The following QKI variants were observed in gnomAD, a reference collection of about 807,000 sequenced individuals.
QKI encodes QKI, KH domain containing RNA binding.
A neutral mutation model predicts 39.0 loss-of-function variants in QKI; 10 were observed. The ratio of observed to expected loss-of-function variants is 0.26; its 90% CI spans 0.16 to 0.43. QKI has a LOEUF of 0.43. QKI is among the 20% of genes least tolerant of loss of function. The pLI is 1.00. For synonymous variants in QKI, 204 were observed against 155.4 expected (o/e 1.31, Z -2.33); for missense variants, 218 against 428.0 (o/e 0.51, Z 4.33).
chr6:163,456,581 G>A (rs1215679569), intron 2 of QKI, among the ~76,000 whole-genome samples: 1 of 152,066 alleles, frequency 6.6e-6, no homozygotes, highest in Non-Finnish European at 1.5e-5. Flanking sequence ...GTCTTAAGTT[G>A]AATTAATAGG....
In QKI at chr6:163,576,640, CCG is replaced by C. The variant is rs1783991417; in HGVS notation, c.*5931_*5932del. ...CACATGTGAACGGAGAACTGCATGA[CCG>C]TACATGAAATGCAATAAACCAACTG... is the stretch of plus-strand genomic sequence containing the variant. On this transcript the variant is annotated 3_prime_UTR_variant, in exon 8 of 8. Coordinates refer to ENST00000361752, the MANE Select transcript of QKI (RefSeq NM_006775.3). 6.6e-6 allele frequency: 1 copy of C among 151,954 alleles called. No individual in the cohort carries two copies. The highest frequency in any genetic ancestry group is 1.5e-5 in the Non-Finnish European group (1 of 68,008). 9.4% of individuals were successfully genotyped at this position (151,954 alleles called of 1,614,324 possible).
chr6:163,559,154 G>A (rs1782833155), intron 4 of QKI, among the ~76,000 whole-genome samples: 1 of 152,112 alleles, frequency 6.6e-6, no homozygotes, highest in Admixed American at 6.5e-5. Flanking sequence ...GCAGTTCAGT[G>A]CCAACATGTT....
chr6:163,542,660 G>A (rs1781610747), intron 4 of QKI, among the ~76,000 whole-genome samples: 1 of 152,032 alleles, frequency 6.6e-6, no homozygotes, highest in Non-Finnish European at 1.5e-5. Context: ...ATTTCATAAA[G>A]TGTTGAAATA....
At chr6:163,485,356 G>A (rs1777591474) in intron 3 of QKI, among the ~76,000 whole-genome samples, 1 of 152,210 alleles carries the variant, frequency 6.6e-6, no homozygotes, top group Admixed American at 6.5e-5. Flanking sequence ...TTTAGAAACA[G>A]GTGGGAGTCA....
chr6:163,444,050 T>A (rs1789955785), intron 1 of QKI, among the ~76,000 whole-genome samples: 1 of 152,222 alleles, frequency 6.6e-6, no homozygotes, highest in Non-Finnish European at 1.5e-5. Flanking sequence ...ATTTGGTGTT[T>A]TCCGAGGATG....
intron 4 of QKI, among the ~76,000 whole-genome samples, chr6:163,549,584 C>T (rs1031918647): frequency 2.0e-5 from 3 of 152,064 alleles, no homozygotes; most frequent in African/African-American, 7.2e-5. Flanking sequence ...TGGTGACGCA[C>T]ACATGTAATC....
intron 1 of QKI, chr6:163,423,254 C>T (rs1483673497): frequency 6.6e-6 from 1 of 152,254 alleles, no homozygotes; most frequent in African/African-American, 2.4e-5. Flanking sequence ...CGCCACTGCA[C>T]TCCAGCCTGG....
Position 163,462,907 on chromosome 6 carries a change from A to AG in QKI, c.285+7489dup, listed in dbSNP as rs543612236. On this transcript the variant is annotated intron_variant, in intron 2 of 7. Coordinates refer to ENST00000361752, the MANE Select transcript of QKI (RefSeq NM_006775.3). ...CTTTTACATGTGAAGGCTAAGAATG[A>AG]GGGAAGGGCCTTGCTGGTATTGCCA... Among the ~76,000 whole-genome samples, 1,075 of 152,344 alleles carry AG rather than the reference A, an allele frequency of 7.1e-3. 23 individuals carry two copies. The highest frequency in any genetic ancestry group is 0.025 in the African/African-American group (1,019 of 41,572).
intron 2 of QKI, among the ~76,000 whole-genome samples, chr6:163,465,175 G>T (rs1791642397): frequency 6.6e-6 from 1 of 152,180 alleles, no homozygotes; most frequent in Non-Finnish European, 1.5e-5. Context: ...GTATAGAACA[G>T]TATGCCACAA....
At chr6:163,455,512 A>G in intron 2 of QKI, 91 bp downstream of exon 2, 1 of 1,287,470 alleles carries the variant, frequency 7.8e-7, no homozygotes, top group East Asian at 2.4e-5. Flanking sequence ...AAGCATTATT[A>G]GCCACTTTAA....
At chr6:163,553,412 T>A (rs1782387089) in intron 4 of QKI, among the ~76,000 whole-genome samples, 1 of 152,074 alleles carries the variant, frequency 6.6e-6, no homozygotes, top group African/African-American at 2.4e-5. Flanking sequence ...CAGGTTCCTA[T>A]TTTTTATCTT....
At position 163,516,540 on chromosome 6, in the gene QKI, G is replaced by A. The variant is rs557613682; in HGVS notation, c.403-18442G>A. ...GATCTCTTGACCTCGTGATCCACCC[G>A]CCTTGGCCTCCGAAAGTGCTGGGAT... On this transcript the variant is annotated intron_variant, in intron 3 of 7. Transcript: ENST00000361752. Among the ~76,000 whole-genome samples the A allele has an allele frequency of 5.9e-5, 9 of 152,198 alleles. No individual in the cohort carries two copies. In the South Asian group the frequency reaches 6.2e-4, roughly 11 times the overall value.
intron 1 of QKI, among the ~76,000 whole-genome samples, chr6:163,419,429 C>G (rs1787811961): frequency 6.6e-6 from 1 of 152,006 alleles, no homozygotes; most frequent in Non-Finnish European, 1.5e-5. Flanking sequence ...TCTGAAGAAG[C>G]AATTACTGTT....
intron 5 of QKI, among the ~76,000 whole-genome samples, chr6:163,562,513 C>G (rs1169438561): frequency 6.6e-6 from 1 of 152,128 alleles, no homozygotes. Context: ...TGTTTTCCCT[C>G]TAGTATTTTT....
intron 4 of QKI, among the ~76,000 whole-genome samples, chr6:163,553,088 T>G (rs973170975): frequency 8.8e-6 from 1 of 113,704 alleles, no homozygotes; most frequent in Non-Finnish European, 1.8e-5. Flanking sequence ...ATTTATTTAT[T>G]TATTTATTTA....
At chr6:163,570,424 C>G (rs1263750806) in intron 7 of QKI, 1 of 970,226 alleles carries the variant, frequency 1.0e-6, no homozygotes, top group Non-Finnish European at 1.2e-6. Context: ...TATTTTATTT[C>G]TATTTTTTCT....
At chr6:163,420,401 G>C (rs571514965) in intron 1 of QKI, among the ~76,000 whole-genome samples, 4 of 151,974 alleles carry the variant, frequency 2.6e-5, no homozygotes, top group Admixed American at 6.6e-5. Flanking sequence ...CTGTGACATT[G>C]TTGGTTTTTG....
At chr6:163,450,047 A>G (rs1016645794) in intron 1 of QKI, among the ~76,000 whole-genome samples, 1 of 150,466 alleles carries the variant, frequency 6.6e-6, no homozygotes, top group Non-Finnish European at 1.5e-5. Flanking sequence ...ATATGTATAT[A>G]TGTGTATATA....
intron 4 of QKI, among the ~76,000 whole-genome samples, chr6:163,535,937 A>G (rs1434408365): frequency 6.6e-6 from 1 of 152,158 alleles, no homozygotes; most frequent in Non-Finnish European, 1.5e-5. Flanking sequence ...GTCTCAAAAA[A>G]GAAAAGAAAA....
Sources: gnomAD v4.1 joint callset for allele counts (sites outside exome capture counted in the v4.1 genomes callset) on GRCh38, gnomAD v4.1.1 for gene constraint, MANE v1.5 for transcripts, NCBI Gene and HGNC (gene_info 2026-07-23, HGNC 2026-07-21) for gene names.